The following ZBTB20 variants were observed in gnomAD, a reference collection of about 807,000 sequenced individuals.
The protein encoded by ZBTB20 is zinc finger and BTB domain-containing protein 20.
Under a neutral mutation model 56.9 loss-of-function variants are expected in ZBTB20, and 9 were observed. That is an observed-to-expected ratio of 0.16 (90% CI 0.10 to 0.28). The LOEUF (loss-of-function observed/expected upper bound fraction) is 0.28, where lower values mean the gene tolerates loss of function less well. Among genes scored for constraint, ZBTB20 ranks in the 10% least tolerant of loss-of-function variants. The probability of loss-of-function intolerance (pLI) is 1.00; values close to 1 mark genes in which losing one functional copy is unlikely to be tolerated. For synonymous variants in ZBTB20, 417 were observed against 420.7 expected (o/e 0.99, Z 0.11); for missense variants, 655 against 1,003.0 (o/e 0.65, Z 4.69).
At chr3:114,566,193 T>A (rs2052724860) in intron 6 of ZBTB20, among the ~76,000 whole-genome samples, 2 of 152,160 alleles carry the variant, frequency 1.3e-5, no homozygotes, top group South Asian at 4.1e-4. Context: ...TTGAAACTTC[T>A]CTCACTCAGT....
chr3:115,029,935 T>C (rs1281221870), intron 2 of ZBTB20, among the ~76,000 whole-genome samples: 1 of 150,946 alleles, frequency 6.6e-6, no homozygotes, highest in Non-Finnish European at 1.5e-5. Flanking sequence ...AAGGTCAGTA[T>C]AGCAAAAACA....
intron 6 of ZBTB20, among the ~76,000 whole-genome samples, chr3:114,680,646 A>G (rs941446431): frequency 1.3e-5 from 2 of 152,354 alleles, no homozygotes; most frequent in South Asian, 4.1e-4. Flanking sequence ...CGCTCATTGA[A>G]TAAATTAAAA....
intron 6 of ZBTB20, among the ~76,000 whole-genome samples, chr3:114,602,564 T>C (rs2056842201): frequency 6.6e-6 from 1 of 151,976 alleles, no homozygotes; most frequent in Admixed American, 6.6e-5. Context: ...ATTTGTTTAC[T>C]TTCTGCCTCT....
At chr3:114,522,289 C>T (rs184488045) in intron 6 of ZBTB20, among the ~76,000 whole-genome samples, 11 of 151,420 alleles carry the variant, frequency 7.3e-5, no homozygotes, top group Admixed American at 7.2e-4. Flanking sequence ...AAAGCAAGTG[C>T]AAATGTGAAA....
chr3:114,908,223 A>C (rs975576966), intron 3 of ZBTB20, among the ~76,000 whole-genome samples: 4 of 152,062 alleles, frequency 2.6e-5, no homozygotes, highest in African/African-American at 9.7e-5. Flanking sequence ...ATTCACACAG[A>C]AATGTTTCTA....
In ZBTB20 at chr3:114,326,664, C is replaced by T. The variant is rs1336760672; in HGVS notation, c.*12341G>A. ...TCAACAAAAAAACCTTACTAAAATACACATTCCTCCAGTTTCAGATTTCTA... is the reference window on the plus strand; with the variant it reads ...TCAACAAAAAAACCTTACTAAAATATACATTCCTCCAGTTTCAGATTTCTA... On this transcript the variant is annotated 3_prime_UTR_variant, in exon 12 of 12. Transcript: ENST00000675478. 6.6e-6 allele frequency: 1 copy of T among 152,092 alleles called. No individual in the cohort carries two copies. The highest frequency in any genetic ancestry group is 1.5e-5 in the Non-Finnish European group (1 of 67,996). The allele number at this position is 152,092 out of a possible 1,614,324, so 9.4% of individuals were successfully genotyped here. A position where few individuals can be genotyped will look rare whatever the true frequency, so the allele number is the denominator to read the frequency against.
chr3:114,709,316 A>G (rs987427570), intron 5 of ZBTB20, among the ~76,000 whole-genome samples: 1 of 152,106 alleles, frequency 6.6e-6, no homozygotes, highest in African/African-American at 2.4e-5. Flanking sequence ...ACTCACCCCT[A>G]CACCCACAAT....
At chr3:115,126,501 C>T (rs766928288) in intron 1 of ZBTB20, among the ~76,000 whole-genome samples, 26 of 151,726 alleles carry the variant, frequency 1.7e-4, no homozygotes, top group Non-Finnish European at 3.7e-4. Flanking sequence ...GTGGTATAGT[C>T]ACAAATATTA....
At chr3:114,501,697 T>G (rs1253548434) in intron 6 of ZBTB20, among the ~76,000 whole-genome samples, 3 of 145,492 alleles carry the variant, frequency 2.1e-5, no homozygotes, top group Admixed American at 2.0e-4. Context: ...TTGTGCTTTG[T>G]TTTTTTTTCT....
intron 6 of ZBTB20, among the ~76,000 whole-genome samples, chr3:114,598,720 T>C (rs184649840): frequency 6.6e-6 from 1 of 152,214 alleles, no homozygotes; most frequent in East Asian, 1.9e-4. Context: ...CATTTTTTTA[T>C]ATACTGGAAA....
intron 2 of ZBTB20, among the ~76,000 whole-genome samples, chr3:115,029,954 TA>T (rs1321807493): frequency 6.6e-6 from 1 of 150,848 alleles, no homozygotes; most frequent in African/African-American, 2.4e-5. Flanking sequence ...CAAATGAAAC[TA>T]AAAGGCAAAC....
chr3:114,369,156 G>A (rs1179795304), intron 10 of ZBTB20, among the ~76,000 whole-genome samples: 1 of 152,096 alleles, frequency 6.6e-6, no homozygotes, highest in African/African-American at 2.4e-5. Context: ...AGGGAAGAAC[G>A]TGATTACAGT....
intron 3 of ZBTB20, among the ~76,000 whole-genome samples, chr3:114,913,841 C>T (rs2075638403): frequency 6.6e-6 from 1 of 151,754 alleles, no homozygotes; most frequent in South Asian, 2.1e-4. Context: ...AAGAGACTGC[C>T]CTTTCCCCAA....
chr3:114,844,887 CT>C (rs2074614986), intron 4 of ZBTB20, among the ~76,000 whole-genome samples: 1 of 145,488 alleles, frequency 6.9e-6, no homozygotes, highest in Admixed American at 6.9e-5. Flanking sequence ...GGTGAAGTGC[CT>C]GATCAAATCT....
chr3:114,339,215 A>G lies in ZBTB20; in HGVS notation c.2016T>C (p.Ser672=), dbSNP rs761364458. 79 of 1,614,036 alleles carry G rather than the reference A, an allele frequency of 4.9e-5. No homozygotes were observed. Among genetic ancestry groups the G allele is most frequent in the Non-Finnish European group, 6.6e-5 (78 of 1,180,030 alleles). The change falls in exon 12 of 12, where the codon TCT becomes TCC. Residue 672 remains serine, a synonymous_variant. Transcript: ENST00000675478. This position sits in a 1 kb window ranked among gnomAD's most constrained non-coding sequence, Gnocchi z 4.2. ...YECYICKKKF[S]HKTLLERHVA... ...CGTGTCGCTCCAGGAGGGTCTTGTG[A>G]GAGAACTTCTTTTTGCAGATGTAGC...
At chr3:114,490,831 TAAC>T (rs983928227) in intron 7 of ZBTB20, among the ~76,000 whole-genome samples, 2 of 151,730 alleles carry the variant, frequency 1.3e-5, no homozygotes, top group Non-Finnish European at 2.9e-5. Context: ...AGAAAGTAAA[TAAC>T]AAAACAAAAC....
intron 6 of ZBTB20, among the ~76,000 whole-genome samples, chr3:114,532,964 C>G (rs2048031741): frequency 2.0e-5 from 3 of 152,190 alleles, no homozygotes; most frequent in Admixed American, 2.0e-4. Context: ...AAAAGATGTC[C>G]ACACAAAAAC....
At chr3:114,567,938 G>C (rs1262204226) in intron 6 of ZBTB20, among the ~76,000 whole-genome samples, 1 of 152,248 alleles carries the variant, frequency 6.6e-6, no homozygotes, top group African/African-American at 2.4e-5. Context: ...CTCTGGGCCA[G>C]AATGCCAAGG....
intron 2 of ZBTB20, among the ~76,000 whole-genome samples, chr3:114,989,459 A>G (rs1471551008): frequency 6.6e-6 from 1 of 152,034 alleles, no homozygotes; most frequent in Non-Finnish European, 1.5e-5. Context: ...CCATTGCTCT[A>G]TCTCTCTGTT....
Sources: allele counts gnomAD v4.1 joint callset (sites outside exome capture counted in the v4.1 genomes callset), GRCh38; gene constraint gnomAD v4.1.1; non-coding constraint Gnocchi (gnomAD v3.1); transcripts MANE v1.5; gene names NCBI Gene and HGNC (gene_info 2026-07-23, HGNC 2026-07-21).